Variants in TGM6 observed in about 807,000 individuals in gnomAD.
The protein encoded by TGM6 is transglutaminase 6.
A neutral mutation model predicts 77.5 loss-of-function variants in TGM6; 74 were observed. The ratio of observed to expected loss-of-function variants is 0.96; its 90% confidence interval spans 0.79 to 1.16. The LOEUF is 1.16. TGM6 is among the 50% of genes most tolerant of loss of function. The probability of loss-of-function intolerance (pLI) is 0.00; values close to 1 mark genes in which losing one functional copy is unlikely to be tolerated. For missense variants in TGM6, 968 were observed against 940.2 expected (o/e 1.03, Z -0.39); for synonymous variants, 383 against 378.9 (o/e 1.01, Z -0.12).
intron 10 of TGM6, among the ~76,000 whole-genome samples, chr20:2,424,885 C>T (rs1188589509): frequency 2.6e-5 from 4 of 152,158 alleles, no homozygotes; most frequent in Admixed American, 6.5e-5. Flanking sequence ...TATTGTGTAT[C>T]CGGGAATAGG....
intron 5 of TGM6, among the ~76,000 whole-genome samples, chr20:2,399,225 G>A (rs1277594494): frequency 1.3e-5 from 2 of 151,924 alleles, no homozygotes; most frequent in East Asian, 1.9e-4. Context: ...TTGGCATAGT[G>A]GTGTCTGGCA....
At chr20:2,403,525 T>G (rs1051358284) in intron 8 of TGM6, 25 bp downstream of exon 8, 1 of 1,614,132 alleles carries the variant, frequency 6.2e-7, no homozygotes, top group Admixed American at 1.7e-5. Context: ...GTGGGGTAAG[T>G]TCCAGACCCC....
intron 1 of TGM6, among the ~76,000 whole-genome samples, chr20:2,389,668 G>A (rs999401221): frequency 6.6e-6 from 1 of 151,944 alleles, no homozygotes; most frequent in African/African-American, 2.4e-5. Context: ...AATATAAATA[G>A]TAAATAAGAG....
At chr20:2,430,849 G>C (rs1351452371) in intron 11 of TGM6, 45 bp from the exon 12 acceptor site, 2 of 1,614,078 alleles carry the variant, frequency 1.2e-6, no homozygotes. Flanking sequence ...TTTCCTGGAG[G>C]GAGGAGGGGT....
At chr20:2,396,752 CTCAT>C in intron 4 of TGM6, 128 bp downstream of exon 4, 11 of 830,008 alleles carry the variant, frequency 1.3e-5, no homozygotes, top group East Asian at 2.7e-5. Flanking sequence ...AGAAAACCCA[CTCAT>C]TCATTCATTC....
At chr20:2,413,169 A>T (rs137937956) in intron 9 of TGM6, among the ~76,000 whole-genome samples, 519 of 152,326 alleles carry the variant, frequency 3.4e-3, no homozygotes, top group African/African-American at 0.011. Flanking sequence ...CCAGCACTTT[A>T]GGAGGCCAAG....
At chr20:2,430,711 C>A in intron 11 of TGM6, 111 bp downstream of exon 11, 1 of 1,596,070 alleles carries the variant, frequency 6.3e-7, no homozygotes, top group Admixed American at 1.7e-5. Context: ...AGCTTTAGCT[C>A]TCCAGGGTGG....
At chr20:2,404,338 TC>T (rs1221133998) in intron 9 of TGM6, among the ~76,000 whole-genome samples, 137 of 152,228 alleles carry the variant, frequency 9.0e-4, no homozygotes, top group African/African-American at 3.3e-3. Context: ...TTGTATTTTT[TC>T]TTATAGCTGT....
intron 1 of TGM6, among the ~76,000 whole-genome samples, chr20:2,382,015 G>C (rs1479012229): frequency 6.6e-6 from 1 of 152,184 alleles, no homozygotes; most frequent in African/African-American, 2.4e-5. Flanking sequence ...CTGGGGCCCG[G>C]TAATGAGCAA....
At chr20:2,387,549 G>A (rs1425302821) in intron 1 of TGM6, among the ~76,000 whole-genome samples, 1 of 152,188 alleles carries the variant, frequency 6.6e-6, no homozygotes, top group East Asian at 1.9e-4. Context: ...GGGGCTTCTG[G>A]CCTAGGCTAA....
chr20:2,399,838 G>A, intron 6 of TGM6, 100 bp downstream of exon 6: 1 of 1,082,164 alleles, frequency 9.2e-7, no homozygotes, highest in Non-Finnish European at 1.3e-6. Flanking sequence ...CATCTTCATT[G>A]ATGGATTCAT....
chr20:2,395,198 C>T lies in TGM6; in HGVS notation c.186C>T (p.Pro62=). Residue 62 remains proline, a synonymous_variant, in exon 3 of 13, where the codon CCC becomes CCT. Coordinates refer to ENST00000202625, the MANE Select transcript of TGM6 (RefSeq NM_198994.3). ...EILIFTMETG[P]RASEALHTKA... Reference sequence around the variant, plus strand: ...ATTCCCTCTCCTCTCCTCCAGGACCCCGGGCTTCTGAGGCCCTCCACACCA... The same window carrying T: ...ATTCCCTCTCCTCTCCTCCAGGACCTCGGGCTTCTGAGGCCCTCCACACCA... 1 of 1,613,264 alleles carries T rather than the reference C, an allele frequency of 6.2e-7. No individual in the cohort carries two copies. Among genetic ancestry groups the T allele is most frequent in the Non-Finnish European group, 8.5e-7 (1 of 1,180,018 alleles).
rs758286096 is a variant in TGM6 at position 2,396,559 on chromosome 20, G to T, written c.478G>T (p.Asp160Tyr). The part of the protein sequence containing the change: ...EEERQEYVLS[D>Y]SGIIFRGVEK... The stretch of plus-strand genomic sequence containing the variant: ...GGAGAGACAGGAGTACGTGCTCAGC[G>T]ACAGCGGCATCATCTTCCGAGGCGT... The change falls in exon 4 of 13, where the codon GAC (aspartate) becomes TAC (tyrosine). Residue 160 changes from aspartate to tyrosine, a missense_variant. Transcript: ENST00000202625. 6.2e-7 allele frequency: 1 copy of T among 1,614,206 alleles called. No individual in the cohort carries two copies. The highest frequency in any genetic ancestry group is 1.7e-5 in the Admixed American group (1 of 60,020).
rs756262302 is a variant in TGM6 at position 2,417,474 on chromosome 20, G to A, written c.1579G>A (p.Val527Met). ...LANLTSRAQR[V>M]RVNLSGATIL... Reference sequence around the variant, plus strand: ...CAACCTCACCTCCCGGGCCCAGCGGGTGAGGGTCAACCTGAGCGGTGCCAC... The same window carrying A: ...CAACCTCACCTCCCGGGCCCAGCGGATGAGGGTCAACCTGAGCGGTGCCAC... The change falls in exon 10 of 13, where the codon GTG becomes ATG. Residue 527 changes from valine to methionine, a missense_variant. Physicochemically the swap from Val to Met is conservative, Grantham distance 21. Coordinates refer to ENST00000202625, the MANE Select transcript of TGM6 (RefSeq NM_198994.3). 6.2e-7 allele frequency: 1 copy of A among 1,610,440 alleles called. No individual in the cohort carries two copies.
At position 2,403,565 on chromosome 20, in the gene TGM6, C is replaced by T. The variant is rs748956369; in HGVS notation, c.1094-16C>T. The T allele has an allele frequency of 6.2e-7, 1 of 1,614,146 alleles. No homozygotes were observed. The highest frequency in any genetic ancestry group is 8.5e-7 in the Non-Finnish European group (1 of 1,180,038). On this transcript the variant is annotated splice_polypyrimidine_tract_variant and intron_variant, in intron 8 of 12. Transcript: ENST00000202625. ...TTTCCTTACCCATGCTGCTCATGCC[C>T]ACCCCTCCTGCCCAGGTGTGTTCCG...
Position 2,432,697 on chromosome 20 carries a change from A to G in TGM6, c.*54A>G, listed in dbSNP as rs1377600007. ...TTTGGCCCCTGTCCTCCTCCTGCCC[A>G]TTCTTTGTCTCTTCCACATGGGAGC... On this transcript the variant is annotated 3_prime_UTR_variant, in exon 13 of 13. Transcript: ENST00000202625. 2.2e-5 allele frequency: 35 copies of G among 1,612,678 alleles called. No homozygotes were observed. The highest frequency in any genetic ancestry group is 2.9e-5 in the Non-Finnish European group (34 of 1,179,256).
chr20:2,386,044 T>G (rs1015882963), intron 1 of TGM6, among the ~76,000 whole-genome samples: 1 of 152,126 alleles, frequency 6.6e-6, no homozygotes, highest in African/African-American at 2.4e-5. Context: ...ATACTGGGTT[T>G]ATTTTGACAA....
chr20:2,385,070 T>A (rs1289844079), intron 1 of TGM6, among the ~76,000 whole-genome samples: 1 of 152,116 alleles, frequency 6.6e-6, no homozygotes, highest in Non-Finnish European at 1.5e-5. Flanking sequence ...CTCTCAGAGG[T>A]ACGGCAAGCT....
intron 9 of TGM6, among the ~76,000 whole-genome samples, chr20:2,404,252 C>T (rs1234360348): frequency 6.6e-6 from 1 of 152,216 alleles, no homozygotes; most frequent in African/African-American, 2.4e-5. Flanking sequence ...TCTGCCAGGG[C>T]CTGTGCCGTG....
Sources: allele counts gnomAD v4.1 joint callset (sites outside exome capture counted in the v4.1 genomes callset), GRCh38; gene constraint gnomAD v4.1.1; transcripts MANE v1.5; gene names NCBI Gene and HGNC (gene_info 2026-07-23, HGNC 2026-07-21).